NWD2: variants seen among roughly 807,000 people sequenced by gnomAD.
NWD2 encodes the protein NACHT and WD repeat domain containing 2, also known as NACHT and WD repeat domain-containing protein 2.
A neutral mutation model predicts 132.7 loss-of-function variants in NWD2; 37 were observed. The observed-to-expected ratio is 0.28, with a 90% CI of 0.21 to 0.37. NWD2 has a LOEUF of 0.37. Among genes scored for constraint, NWD2 ranks in the 10% least tolerant of loss-of-function variants. The pLI, the probability that NWD2 is intolerant of heterozygous loss-of-function variation, is 1.00. For missense variants in NWD2, 1,592 were observed against 2,122.4 expected (o/e 0.75, Z 4.91); for synonymous variants, 705 against 803.0 (o/e 0.88, Z 2.06).
At chr4:37,421,661 C>A (rs1447738033) in intron 3 of NWD2, among the ~76,000 whole-genome samples, 1 of 152,216 alleles carries the variant, frequency 6.6e-6, no homozygotes, top group African/African-American at 2.4e-5. Context: ...AGTTATTCTG[C>A]TATATGTTAG....
intron 1 of NWD2, among the ~76,000 whole-genome samples, chr4:37,309,508 T>A (rs1343203392): frequency 6.6e-6 from 1 of 152,084 alleles, no homozygotes; most frequent in Non-Finnish European, 1.5e-5. Flanking sequence ...AGCAGGCCCT[T>A]TGGGGCTCCT....
At chr4:37,276,068 G>C (rs747988513) in intron 1 of NWD2, among the ~76,000 whole-genome samples, 1 of 152,094 alleles carries the variant, frequency 6.6e-6, no homozygotes, top group Admixed American at 6.6e-5. Flanking sequence ...AACACCAAAA[G>C]CAATGGCAAC....
intron 3 of NWD2, among the ~76,000 whole-genome samples, chr4:37,387,057 C>T (rs1303357201): frequency 6.6e-6 from 1 of 152,040 alleles, no homozygotes; most frequent in African/African-American, 2.4e-5. Context: ...CAGAATGGAC[C>T]AACAAACCTA....
chr4:37,284,693 G>T (rs924034304), intron 1 of NWD2, among the ~76,000 whole-genome samples: 1 of 152,226 alleles, frequency 6.6e-6, no homozygotes, highest in African/African-American at 2.4e-5. Flanking sequence ...GAGTGGAACA[G>T]ATGAGGTGCA....
Position 37,444,087 on chromosome 4 carries a change from C to T in NWD2, c.2099C>T (p.Pro700Leu), listed in dbSNP as rs1365859697. Residue 700 changes from proline (P) to leucine (L), a missense_variant, in exon 7 of 7, where the codon CCC (proline) becomes CTC (leucine). Pro to Leu is a moderately conservative substitution (Grantham distance 98). Transcript: ENST00000309447. This position sits in a 1 kb window ranked among gnomAD's most constrained non-coding sequence, Gnocchi z 4.8. The stretch of plus-strand genomic sequence containing the variant: ...AAAGAAAACACCAGACCCAGCAATC[C>T]CCTGAGAGTACCTTACTTGTACATT... ...ELKENTRPSN[P>L]LRVPYLYIAR... The T allele has an allele frequency of 1.3e-6, 2 of 1,551,582 alleles. No homozygotes were observed. Among genetic ancestry groups the T allele is most frequent in the African/African-American group, 2.7e-5 (2 of 72,980 alleles).
chr4:37,363,991 G>C (rs1720035697), intron 3 of NWD2, among the ~76,000 whole-genome samples: 1 of 151,904 alleles, frequency 6.6e-6, no homozygotes, highest in Non-Finnish European at 1.5e-5. Flanking sequence ...AATTAGCTGG[G>C]AATGGTGGTG....
Position 37,245,193 on chromosome 4 carries a change from G to C in NWD2, c.126G>C (p.Arg42=), listed in dbSNP as rs1190336512. ...TCGTGCCCGCCGGCCGCAGCGTCCG[G>C]GTCTTCATCAGCGCCAACCCTGAAG... The part of the protein sequence containing the change: ...SHLVPAGRSV[R]VFISANPEDT... The change falls in exon 1 of 7, where the codon CGG becomes CGC. Residue 42 remains arginine, a synonymous_variant. Coordinates refer to ENST00000309447, the MANE Select transcript of NWD2 (RefSeq NM_001144990.2). 1 of 1,542,824 alleles carries C rather than the reference G, an allele frequency of 6.5e-7. No individual in the cohort carries two copies. The highest frequency in any genetic ancestry group is 2.5e-5 in the East Asian group (1 of 40,728).
At chr4:37,306,798 G>A (rs186058594) in intron 1 of NWD2, among the ~76,000 whole-genome samples, 46 of 152,202 alleles carry the variant, frequency 3.0e-4, no homozygotes, top group Middle Eastern at 3.4e-3. Context: ...CAAAGCAGGC[G>A]GATCACACGG....
chr4:37,335,972 TC>T, intron 2 of NWD2, among the ~76,000 whole-genome samples: 1 of 151,588 alleles, frequency 6.6e-6, no homozygotes, highest in Non-Finnish European at 1.5e-5. Context: ...ATAATGTGAG[TC>T]ACAGATGCAA....
chr4:37,289,669 G>A (rs1050848525), intron 1 of NWD2, among the ~76,000 whole-genome samples: 4 of 152,166 alleles, frequency 2.6e-5, no homozygotes, highest in African/African-American at 7.2e-5. Flanking sequence ...AATTTACACA[G>A]TGAAATGTAC....
chr4:37,375,150 G>A (rs1033719532), intron 3 of NWD2, among the ~76,000 whole-genome samples: 1 of 152,150 alleles, frequency 6.6e-6, no homozygotes, highest in Non-Finnish European at 1.5e-5. Context: ...ATAGGCAAAG[G>A]TGTAAAAGTT....
chr4:37,334,077 A>C (rs12649785), intron 2 of NWD2, among the ~76,000 whole-genome samples: 25,622 of 152,082 alleles, frequency 0.17, 2,548 homozygotes, highest in East Asian at 0.36. Context: ...ATAGCCTCAA[A>C]AGGGCCACTT....
At chr4:37,354,047 A>T (rs1280251417) in intron 2 of NWD2, among the ~76,000 whole-genome samples, 1 of 151,848 alleles carries the variant, frequency 6.6e-6, no homozygotes, top group Non-Finnish European at 1.5e-5. Flanking sequence ...CTTTTTGTTG[A>T]TGTTGATGCT....
intron 3 of NWD2, among the ~76,000 whole-genome samples, chr4:37,408,046 C>G (rs999873494): frequency 3.9e-5 from 6 of 152,240 alleles, no homozygotes; most frequent in Non-Finnish European, 5.9e-5. Flanking sequence ...AGGAGATTCC[C>G]TCCATTGTCT....
intron 3 of NWD2, among the ~76,000 whole-genome samples, chr4:37,368,382 C>A (rs28523611): frequency 0.13 from 19,464 of 152,076 alleles, 1,421 homozygotes; most frequent in South Asian, 0.18. Flanking sequence ...TGTGTATTTT[C>A]CATTGTTGTC....
Position 37,244,985 on chromosome 4 carries a change from T to A in NWD2, c.-83T>A. 6.6e-7 allele frequency: 1 copy of A among 1,519,564 alleles called. No individual in the cohort carries two copies. The highest frequency in any genetic ancestry group is 1.2e-5 in the South Asian group (1 of 82,198). The allele number at this position is 1,519,564 out of a possible 1,614,324, so 94.1% of individuals were successfully genotyped here. A position where few individuals can be genotyped will look rare whatever the true frequency, so the allele number is the denominator to read the frequency against. On this transcript the variant is annotated 5_prime_UTR_variant, in exon 1 of 7. Coordinates refer to ENST00000309447, the MANE Select transcript of NWD2 (RefSeq NM_001144990.2). This position sits in a 1 kb window ranked among gnomAD's most constrained non-coding sequence, Gnocchi z 5.5. ...CCGCCTGCTGAGATCGACCGCCTGCTGAGCCGTTCCGTGGAGCTGCGGGCA... is the reference window on the plus strand; with the variant it reads ...CCGCCTGCTGAGATCGACCGCCTGCAGAGCCGTTCCGTGGAGCTGCGGGCA...
chr4:37,289,072 T>C (rs909413238), intron 1 of NWD2, among the ~76,000 whole-genome samples: 2 of 152,210 alleles, frequency 1.3e-5, no homozygotes, highest in African/African-American at 4.8e-5. Context: ...GGTTTACATC[T>C]AGTGTTTTAG....
At chr4:37,325,622 G>A (rs920349664) in intron 1 of NWD2, among the ~76,000 whole-genome samples, 1 of 152,118 alleles carries the variant, frequency 6.6e-6, no homozygotes, top group African/African-American at 2.4e-5. Flanking sequence ...AGACATTGTG[G>A]TCATAACTGT....
chr4:37,303,873 T>C (rs1776539), intron 1 of NWD2, among the ~76,000 whole-genome samples: 46,400 of 152,032 alleles, frequency 0.31, 7,389 homozygotes, highest in Middle Eastern at 0.41. Context: ...AAGACTATGT[T>C]ATCTGCAAAC....
Sources: gnomAD v4.1 joint callset for allele counts (sites outside exome capture counted in the v4.1 genomes callset) on GRCh38, gnomAD v4.1.1 for gene constraint, Gnocchi (gnomAD v3.1) non-coding constraint, MANE v1.5 for transcripts, NCBI Gene and HGNC (gene_info 2026-07-23, HGNC 2026-07-21) for gene names.